The following RGS22 variants were observed in gnomAD, a reference collection of about 807,000 sequenced individuals.
RGS22 encodes the protein regulator of G protein signaling 22, also known as regulator of G-protein signaling 22.
RGS22 carries 148 observed loss-of-function variants against 172.9 expected under a neutral mutation model. The ratio of observed to expected loss-of-function variants is 0.86; its 90% CI spans 0.75 to 0.98. The LOEUF (loss-of-function observed/expected upper bound fraction) is 0.98, where lower values mean the gene tolerates loss of function less well. Ranked by LOEUF, RGS22 falls within the 50% of genes least tolerant of loss-of-function variation. The pLI is 0.00. For synonymous variants in RGS22, 458 were observed against 480.2 expected (o/e 0.95, Z 0.60); for missense variants, 1,347 against 1,440.8 (o/e 0.93, Z 1.05).
At chr8:100,013,483 G>T (rs1467089456) in intron 14 of RGS22, among the ~76,000 whole-genome samples, 1 of 152,116 alleles carries the variant, frequency 6.6e-6, no homozygotes, top group African/African-American at 2.4e-5. Flanking sequence ...TAAGTTCCAT[G>T]AGATTATCTA....
chr8:100,032,765 A>G (rs187173530), intron 14 of RGS22, among the ~76,000 whole-genome samples: 156 of 152,336 alleles, frequency 1.0e-3, no homozygotes, highest in Non-Finnish European at 1.4e-3. Flanking sequence ...ACATAATTGG[A>G]AGTAAAACAC....
At chr8:100,045,221 T>C (rs780417011) in intron 11 of RGS22, among the ~76,000 whole-genome samples, 1 of 151,136 alleles carries the variant, frequency 6.6e-6, no homozygotes, top group Admixed American at 6.6e-5. Flanking sequence ...CTGCACGCCA[T>C]AGCACTCCAG....
intron 23 of RGS22, among the ~76,000 whole-genome samples, chr8:99,972,454 G>A (rs1321774143): frequency 6.6e-6 from 1 of 152,124 alleles, no homozygotes; most frequent in Non-Finnish European, 1.5e-5. Context: ...TACCATCAGA[G>A]GGAACAGGCA....
chr8:100,105,814 A>T, intron 1 of RGS22, 83 bp downstream of exon 1: 1 of 1,210,788 alleles, frequency 8.3e-7, no homozygotes, highest in Non-Finnish European at 1.2e-6. Context: ...CTAGGAGGGC[A>T]GGAGGTAAAG....
intron 23 of RGS22, among the ~76,000 whole-genome samples, chr8:99,976,947 C>A (rs1812020071): frequency 1.3e-5 from 2 of 151,878 alleles, no homozygotes; most frequent in South Asian, 4.2e-4. Context: ...TAAGATGAAA[C>A]ATGTTATTTG....
At position 99,962,675 on chromosome 8, in the gene RGS22, C is replaced by T; in HGVS notation, c.3790+12G>A. ...AAGAAACAACTGAAGATAGACTACA[C>T]TGGAAACTCACTCTGGCTGCTGTGG... On this transcript the variant is annotated intron_variant, in intron 26 of 27. Transcript: ENST00000360863. 1 of 1,592,148 alleles carries T rather than the reference C, an allele frequency of 6.3e-7. No homozygotes were observed. The highest frequency in any genetic ancestry group is 8.5e-7 in the Non-Finnish European group (1 of 1,171,716).
intron 18 of RGS22, among the ~76,000 whole-genome samples, chr8:100,001,821 T>C (rs1043973317): frequency 6.6e-6 from 1 of 152,222 alleles, no homozygotes; most frequent in Non-Finnish European, 1.5e-5. Context: ...TAATGGTTGA[T>C]AACAGCTGTT....
intron 20 of RGS22, among the ~76,000 whole-genome samples, chr8:99,993,686 A>T (rs1814016218): frequency 6.6e-6 from 1 of 152,210 alleles, no homozygotes; most frequent in South Asian, 2.1e-4. Flanking sequence ...TACCAGAGGT[A>T]CAAAGAGGAG....
chr8:100,104,187 A>T (rs1469184014), intron 2 of RGS22, among the ~76,000 whole-genome samples: 1 of 152,150 alleles, frequency 6.6e-6, no homozygotes, highest in Admixed American at 6.5e-5. Flanking sequence ...GCGTGCTGGC[A>T]CGTGCCTATA....
intron 10 of RGS22, among the ~76,000 whole-genome samples, chr8:100,048,923 A>G (rs1821001461): frequency 6.6e-6 from 1 of 152,226 alleles, no homozygotes; most frequent in Admixed American, 6.5e-5. Flanking sequence ...CATTGTGAAT[A>G]TAACTAATAC....
intron 15 of RGS22, among the ~76,000 whole-genome samples, chr8:100,008,017 ATTTTTATTTTAT>A (rs1345287140): frequency 5.3e-5 from 8 of 150,870 alleles, no homozygotes; most frequent in African/African-American, 1.7e-4. Flanking sequence ...TTTTATTTTT[ATTTTTATTTTAT>A]TTTTTATTTT....
chr8:99,979,141 C>T lies in RGS22; in HGVS notation c.3361-1066G>A, dbSNP rs146881767. On this transcript the variant is annotated intron_variant, in intron 22 of 27. Coordinates refer to ENST00000360863, the MANE Select transcript of RGS22 (RefSeq NM_015668.5). ...TTTTCATTTACATTTACCTGCCATACATTTAATTAAGTAATCCCCTGTTCC... is the reference window on the plus strand; with the variant it reads ...TTTTCATTTACATTTACCTGCCATATATTTAATTAAGTAATCCCCTGTTCC... 3.8e-3 allele frequency among the ~76,000 whole-genome samples: 576 copies of T among 152,268 alleles called. 4 individuals carry two copies. Among genetic ancestry groups the T allele is most frequent in the African/African-American group, 0.013 (550 of 41,562 alleles).
At chr8:99,989,861 CAGAT>C (rs58327517) in intron 20 of RGS22, among the ~76,000 whole-genome samples, 25,202 of 146,306 alleles carry the variant, frequency 0.17, 2,216 homozygotes, top group South Asian at 0.19. Context: ...GATAGACAGA[CAGAT>C]AGATAGATAG....
chr8:100,072,178 G>C lies in RGS22; in HGVS notation c.392C>G (p.Ala131Gly). ...IKWIKKERLP[A>G]FLESDCYFEY... Reference sequence around the variant, plus strand: ...AAAGTAACAATCACTTTCCAGAAATGCTGGAAGTCTTTCTTTTTTGATCCA... The same window carrying C: ...AAAGTAACAATCACTTTCCAGAAATCCTGGAAGTCTTTCTTTTTTGATCCA... Residue 131 changes from alanine (A) to glycine (G), a missense_variant, in exon 5 of 28, where the codon GCA becomes GGA. Coordinates refer to ENST00000360863, the MANE Select transcript of RGS22 (RefSeq NM_015668.5). 6.2e-7 allele frequency: 1 copy of C among 1,603,142 alleles called. No homozygotes were observed. The highest frequency in any genetic ancestry group is 8.5e-7 in the Non-Finnish European group (1 of 1,174,478).
At chr8:100,060,716 T>A (rs115030674) in intron 9 of RGS22, among the ~76,000 whole-genome samples, 208 of 151,984 alleles carry the variant, frequency 1.4e-3, no homozygotes, top group African/African-American at 4.6e-3. Context: ...ATAAGAAGAA[T>A]CAATATAATT....
rs144286248 is a variant in RGS22 at position 100,057,939 on chromosome 8, G to A, written c.1514+4652C>T. On this transcript the variant is annotated intron_variant, in intron 9 of 27. Coordinates refer to ENST00000360863, the MANE Select transcript of RGS22 (RefSeq NM_015668.5). ...TTCAGACAGAGAATTCAAAATAGCT[G>A]TGTTAAGAAAACTCAAAGAAATTCA... Among the ~76,000 whole-genome samples, 398 of 152,204 alleles carry A rather than the reference G, an allele frequency of 2.6e-3. 2 individuals are homozygous for A. Among genetic ancestry groups the A allele is most frequent in the African/African-American group, 9.3e-3 (385 of 41,532 alleles).
chr8:100,005,979 A>C, intron 16 of RGS22, 38 bp downstream of exon 16: 1 of 1,524,722 alleles, frequency 6.6e-7, no homozygotes, highest in South Asian at 1.1e-5. Context: ...CCTCTCCAGG[A>C]TAAAAAGTTT....
At chr8:100,052,276 T>C (rs1821738645) in intron 10 of RGS22, among the ~76,000 whole-genome samples, 1 of 140,716 alleles carries the variant, frequency 7.1e-6, no homozygotes, top group Admixed American at 7.4e-5. Context: ...TGTATATATA[T>C]ATTTATATAC....
At chr8:99,973,772 G>A (rs993596524) in intron 23 of RGS22, among the ~76,000 whole-genome samples, 11 of 151,586 alleles carry the variant, frequency 7.3e-5, no homozygotes, top group Admixed American at 1.3e-4. Context: ...GGGAGGCTGC[G>A]GCAGGAGAAT....
Sources: allele counts gnomAD v4.1 joint callset (sites outside exome capture counted in the v4.1 genomes callset), GRCh38; gene constraint gnomAD v4.1.1; transcripts MANE v1.5; gene names NCBI Gene and HGNC (gene_info 2026-07-23, HGNC 2026-07-21).